The following MGAT5 variants were observed in gnomAD, a reference collection of about 807,000 sequenced individuals.
The protein encoded by MGAT5 is alpha-1,6-mannosylglycoprotein 6-beta-N-acetylglucosaminyltransferase A.
A neutral mutation model predicts 94.3 loss-of-function variants in MGAT5; 30 were observed. The observed-to-expected ratio is 0.32, with a 90% CI of 0.24 to 0.43. The LOEUF (loss-of-function observed/expected upper bound fraction) is 0.43. Ranked by LOEUF, MGAT5 falls within the 20% of genes least tolerant of loss-of-function variation. The pLI is 1.00. For synonymous variants in MGAT5, 310 were observed against 322.9 expected (o/e 0.96, Z 0.43); for missense variants, 691 against 905.5 (o/e 0.76, Z 3.04).
chr2:134,152,720 G>C (rs1687282471), intron 1 of MGAT5, among the ~76,000 whole-genome samples: 1 of 152,206 alleles, frequency 6.6e-6, no homozygotes, highest in South Asian at 2.1e-4. Context: ...AAATGTGACT[G>C]AGTTTATCTT....
At chr2:134,135,185 T>G (rs556987726) in intron 1 of MGAT5, among the ~76,000 whole-genome samples, 1 of 152,302 alleles carries the variant, frequency 6.6e-6, no homozygotes, top group Non-Finnish European at 1.5e-5. Flanking sequence ...TCTTAGGACA[T>G]TAAATGTATA....
chr2:134,336,183 A>G (rs773976124), intron 4 of MGAT5, 34 bp from the exon 5 acceptor site: 1 of 1,553,554 alleles, frequency 6.4e-7, no homozygotes, highest in Non-Finnish European at 8.9e-7. Flanking sequence ...ATTATAGATG[A>G]AGCTGCATAT....
chr2:134,322,069 G>T (rs532518882), intron 4 of MGAT5, among the ~76,000 whole-genome samples: 6 of 152,242 alleles, frequency 3.9e-5, no homozygotes, highest in African/African-American at 1.4e-4. Context: ...GCTCTATGAG[G>T]TCACTTAACC....
At chr2:134,403,180 G>A in intron 11 of MGAT5, 43 bp downstream of exon 11, 1 of 1,553,252 alleles carries the variant, frequency 6.4e-7, no homozygotes, top group Non-Finnish European at 8.6e-7. Context: ...TATTGCCATT[G>A]GCTGTGAAAA....
At chr2:134,154,170 G>A (rs1478134256) in intron 1 of MGAT5, among the ~76,000 whole-genome samples, 2 of 152,178 alleles carry the variant, frequency 1.3e-5, no homozygotes, top group Non-Finnish European at 2.9e-5. Context: ...CAGGTAATGA[G>A]GAGGAATTTG....
At chr2:134,312,171 ACC>A (rs1310150783) in intron 2 of MGAT5, among the ~76,000 whole-genome samples, 1 of 152,122 alleles carries the variant, frequency 6.6e-6, no homozygotes, top group Non-Finnish European at 1.5e-5. Context: ...AATTGCTTGA[ACC>A]TGGGAGGCTG....
At position 134,341,639 on chromosome 2, in the gene MGAT5, C is replaced by T; in HGVS notation, c.857C>T (p.Ala286Val). The change falls in exon 7 of 16, where the codon GCA becomes GTA. Residue 286 changes from alanine (A) to valine (V), a missense_variant. This residue lies in a region of MGAT5 where 121 missense variants were observed against 206.1 expected (regional missense o/e 0.59). Coordinates refer to ENST00000281923, the MANE Select transcript of MGAT5 (RefSeq NM_002410.5). ...LLTKESGFKI[A>V]ETAFSGGPLG... is the part of the protein sequence containing the mutation. Reference sequence around the variant, plus strand: ...ACCAAGGAATCTGGATTTAAGATTGCAGAGACAGCTTTCAGTGGTGGCCCT... The same window carrying T: ...ACCAAGGAATCTGGATTTAAGATTGTAGAGACAGCTTTCAGTGGTGGCCCT... 1 of 1,613,488 alleles carries T rather than the reference C, an allele frequency of 6.2e-7. No individual in the cohort carries two copies. Among genetic ancestry groups the T allele is most frequent in the Non-Finnish European group, 8.5e-7 (1 of 1,179,684 alleles).
intron 4 of MGAT5, among the ~76,000 whole-genome samples, chr2:134,329,560 T>G (rs1687834899): frequency 6.6e-6 from 1 of 152,118 alleles, no homozygotes; most frequent in Non-Finnish European, 1.5e-5. Flanking sequence ...GTTTAGCCAA[T>G]GTGCTTCAAA....
intron 8 of MGAT5, among the ~76,000 whole-genome samples, chr2:134,348,560 T>C (rs1679151347): frequency 6.6e-6 from 1 of 152,186 alleles, no homozygotes; most frequent in Non-Finnish European, 1.5e-5. Context: ...GAATCATACA[T>C]TGAAGTGAAA....
intron 1 of MGAT5, chr2:134,120,394 G>C: frequency 5.6e-6 from 2 of 357,756 alleles, no homozygotes; most frequent in Non-Finnish European, 1.0e-5. Context: ...AACCAGGCGC[G>C]GGCGAGGAGA....
intron 1 of MGAT5, among the ~76,000 whole-genome samples, chr2:134,262,180 G>T (rs1333455876): frequency 6.6e-6 from 1 of 152,112 alleles, no homozygotes; most frequent in Non-Finnish European, 1.5e-5. Flanking sequence ...GTTTATTAAG[G>T]CACTTAGATT....
intron 1 of MGAT5, among the ~76,000 whole-genome samples, chr2:134,200,262 T>TGGTGTTTAAACA: frequency 6.6e-6 from 1 of 151,858 alleles, no homozygotes. Flanking sequence ...TGGTCACGCT[T>TGGTGTTTAAACA]GAGGGGTTTA....
At chr2:134,166,518 G>C (rs1462288240) in intron 1 of MGAT5, among the ~76,000 whole-genome samples, 2 of 152,164 alleles carry the variant, frequency 1.3e-5, no homozygotes, top group Admixed American at 1.3e-4. Context: ...GGTCGATTTA[G>C]TATATTACAA....
At chr2:134,322,857 T>G (rs2105919302) in intron 4 of MGAT5, among the ~76,000 whole-genome samples, 1 of 152,298 alleles carries the variant, frequency 6.6e-6, no homozygotes, top group East Asian at 1.9e-4. Context: ...GTTAATGTGA[T>G]CAACACATGC....
chr2:134,213,327 C>T (rs1194440695), intron 1 of MGAT5, among the ~76,000 whole-genome samples: 4 of 151,530 alleles, frequency 2.6e-5, no homozygotes, highest in African/African-American at 9.7e-5. Flanking sequence ...GGGAGCCCCC[C>T]CGCCCCCCAC....
intron 5 of MGAT5, 82 bp from the exon 6 acceptor site, chr2:134,338,177 G>A: frequency 8.3e-7 from 1 of 1,207,282 alleles, no homozygotes; most frequent in Non-Finnish European, 1.2e-6. Flanking sequence ...ACCCTTTTAA[G>A]TTTTCAGATG....
chr2:134,140,638 G>C (rs1193939160), intron 1 of MGAT5, among the ~76,000 whole-genome samples: 1 of 152,206 alleles, frequency 6.6e-6, no homozygotes, highest in East Asian at 1.9e-4. Flanking sequence ...CCACATCCAG[G>C]GTGGGGCCAT....
chr2:134,386,318 A>G (rs572710561), intron 10 of MGAT5, among the ~76,000 whole-genome samples: 1 of 152,366 alleles, frequency 6.6e-6, no homozygotes, highest in African/African-American at 2.4e-5. Flanking sequence ...GAAAAAAATC[A>G]AATGTTGGCA....
chr2:134,132,604 A>G (rs966580291), intron 1 of MGAT5, among the ~76,000 whole-genome samples: 11 of 152,390 alleles, frequency 7.2e-5, no homozygotes, highest in African/African-American at 1.9e-4. Flanking sequence ...CTTTCACACT[A>G]CAATGGCAGA....
Sources: gnomAD v4.1 joint callset for allele counts (sites outside exome capture counted in the v4.1 genomes callset) on GRCh38, gnomAD v4.1.1 for gene constraint, gnomAD v4.1.1 regional missense constraint, MANE v1.5 for transcripts, NCBI Gene and HGNC (gene_info 2026-07-23, HGNC 2026-07-21) for gene names.